ZNF330: variants seen among roughly 807,000 people sequenced by gnomAD.
ZNF330 encodes the protein zinc finger protein 330.
Under a neutral mutation model 45.5 loss-of-function variants are expected in ZNF330, and 31 were observed. The observed-to-expected ratio is 0.68, with a 90% CI of 0.51 to 0.92. The LOEUF is 0.92. Ranked by LOEUF, ZNF330 falls within the 40% of genes least tolerant of loss-of-function variation. The pLI, the probability that ZNF330 is intolerant of heterozygous loss-of-function variation, is 0.00. For synonymous variants in ZNF330, 138 were observed against 123.2 expected, an observed-to-expected ratio of 1.12 and a Z score of -0.79; for missense variants, 356 against 387.4, an observed-to-expected ratio of 0.92 and a Z score of 0.68.
chr4:141,226,493 CAATTTCT>C (rs1464262819), intron 4 of ZNF330, among the ~76,000 whole-genome samples: 1 of 152,066 alleles, frequency 6.6e-6, no homozygotes, highest in Non-Finnish European at 1.5e-5. Context: ...GCATAACCTG[CAATTTCT>C]GATTTAGTAC....
intron 1 of ZNF330, 149 bp from the exon 2 acceptor site, chr4:141,222,217 A>T: frequency 1.1e-6 from 1 of 872,930 alleles, no homozygotes; most frequent in Non-Finnish European, 1.7e-6. Flanking sequence ...TTAACGTTTC[A>T]TAAGGCTTAG....
At chr4:141,223,992 A>C (rs1244222447) in intron 2 of ZNF330, 5 of 305,906 alleles carry the variant, frequency 1.6e-5, no homozygotes, top group Non-Finnish European at 3.2e-5. Context: ...GAAAGTGATT[A>C]GGGGCCAGAT....
At position 141,233,833 on chromosome 4, in the gene ZNF330, TGAG is replaced by T. The variant is rs749911799; in HGVS notation, c.816_818del (p.Glu272del). ...AGTATGGTGATACCAGCTACCACGA[TGAG>T]GAGGAGGATGAGTATGAAGCAGAGG... is the stretch of plus-strand genomic sequence containing the variant. On this transcript the variant is annotated inframe_deletion, in exon 10 of 10. Transcript: ENST00000262990. The T allele has an allele frequency of 3.5e-5, 56 of 1,613,390 alleles. No homozygotes were observed. The Middle Eastern group carries it at 6.6e-4, about 19-fold the overall frequency.
intron 7 of ZNF330, among the ~76,000 whole-genome samples, chr4:141,230,605 C>G: frequency 6.6e-6 from 1 of 152,116 alleles, no homozygotes; most frequent in South Asian, 2.1e-4. Flanking sequence ...ACCCTTCCTT[C>G]CCATTTCCAA....
rs917728827 is a variant in ZNF330 at position 141,232,660 on chromosome 4, C to G, written c.688+18C>G. 1.0e-5 allele frequency: 14 copies of G among 1,357,814 alleles called. No individual in the cohort carries two copies. Among genetic ancestry groups the G allele is most frequent in the Non-Finnish European group, 1.4e-5 (14 of 1,011,622 alleles). The allele number at this position is 1,357,814 out of a possible 1,614,324, so 84.1% of individuals were successfully genotyped here. A position where few individuals can be genotyped will look rare whatever the true frequency, so the allele number is the denominator to read the frequency against. On this transcript the variant is annotated intron_variant, in intron 9 of 9. Coordinates refer to ENST00000262990, the MANE Select transcript of ZNF330 (RefSeq NM_014487.6). The stretch of plus-strand genomic sequence containing the variant: ...CATGTCAAGTAAGGCCCTTAAGATA[C>G]TAAGGAAGTGATTTTTGCTTTCATA...
intron 5 of ZNF330, among the ~76,000 whole-genome samples, chr4:141,227,461 C>T (rs1177233251): frequency 6.6e-6 from 1 of 152,120 alleles, no homozygotes; most frequent in Non-Finnish European, 1.5e-5. Context: ...CTACAAAGGA[C>T]ATGAACTCAT....
rs1728663332 is a variant in ZNF330 at position 141,221,094 on chromosome 4, C to G, written c.-21C>G. 6.6e-6 allele frequency: 1 copy of G among 152,268 alleles called. No individual in the cohort carries two copies. Among genetic ancestry groups the G allele is most frequent in the Non-Finnish European group, 1.5e-5 (1 of 68,066 alleles). 9.4% of individuals were successfully genotyped at this position (152,268 alleles called of 1,614,324 possible). A position where few individuals can be genotyped will look rare whatever the true frequency, so the allele number is the denominator to read the frequency against. ...CCGGCGAAAGTGAGCGAGGTTTGCC[C>G]GGAGCGCGCACGAGGTAGGGTGTCC... On this transcript the variant is annotated 5_prime_UTR_variant, in exon 1 of 10. Transcript: ENST00000262990.
At chr4:141,224,744 TG>T (rs1202014275) in intron 4 of ZNF330, 67 bp downstream of exon 4, 2 of 1,370,918 alleles carry the variant, frequency 1.5e-6, no homozygotes, top group Non-Finnish European at 2.1e-6. Context: ...TGAACTTGGG[TG>T]GGTTTGTTGC....
In ZNF330 at chr4:141,222,434, A is replaced by G. The variant is rs1728703257; in HGVS notation, c.63A>G (p.Gln21=). The change falls in exon 2 of 10, where the codon CAA becomes CAG. Residue 21 remains glutamine (Q), a synonymous_variant. Coordinates refer to ENST00000262990, the MANE Select transcript of ZNF330 (RefSeq NM_014487.6). ...KAENRREREK[Q]LRASRSTIDL... Reference sequence around the variant, plus strand: ...AGAACCGCCGAGAACGTGAAAAACAACTAAGAGCATCAAGAAGCACTATAG... The same window carrying G: ...AGAACCGCCGAGAACGTGAAAAACAGCTAAGAGCATCAAGAAGCACTATAG... The G allele has an allele frequency of 6.2e-7, 1 of 1,613,852 alleles. No individual in the cohort carries two copies. Among genetic ancestry groups the G allele is most frequent in the Admixed American group, 1.7e-5 (1 of 60,000 alleles).
In ZNF330 at chr4:141,234,107, A is replaced by G. The variant is rs1366583348; in HGVS notation, c.*118A>G. The G allele has an allele frequency of 6.8e-6, 10 of 1,467,528 alleles. No individual in the cohort carries two copies. In the African/African-American group the frequency reaches 9.9e-5, roughly 15 times the overall value. 90.9% of individuals were successfully genotyped at this position (1,467,528 alleles called of 1,614,324 possible). On this transcript the variant is annotated 3_prime_UTR_variant, in exon 10 of 10. Transcript: ENST00000262990. ...CTTAGCCTTGTGCAGAAGACTAGTTACACTTAATGGGCCAAGCAATAGGGT... is the reference window on the plus strand; with the variant it reads ...CTTAGCCTTGTGCAGAAGACTAGTTGCACTTAATGGGCCAAGCAATAGGGT...
Position 141,230,148 on chromosome 4 carries a change from G to T in ZNF330, c.419-18G>T. 1.3e-6 allele frequency: 2 copies of T among 1,527,744 alleles called. No homozygotes were observed. The highest frequency in any genetic ancestry group is 1.8e-6 in the Non-Finnish European group (2 of 1,111,730). 94.6% of individuals were successfully genotyped at this position (1,527,744 alleles called of 1,614,324 possible). ...TAAAGTTTATCTTAATTACATTTGT[G>T]TTTTTTTAATCCAATAGGAGGCAGA... is the stretch of plus-strand genomic sequence containing the variant. On this transcript the variant is annotated intron_variant, in intron 6 of 9. Transcript: ENST00000262990.
At chr4:141,231,566 T>C (rs1325191943) in intron 8 of ZNF330, 81 bp downstream of exon 8, 17 of 992,598 alleles carry the variant, frequency 1.7e-5, no homozygotes, top group Non-Finnish European at 1.9e-5. Flanking sequence ...TATATGCAGC[T>C]ATAATTAATT....
chr4:141,226,818 G>C lies in ZNF330; in HGVS notation c.263G>C (p.Gly88Ala). 6.2e-7 allele frequency: 1 copy of C among 1,613,028 alleles called. No homozygotes were observed. The change falls in exon 5 of 10, where the codon GGT becomes GCT. Residue 88 changes from glycine to alanine, a missense_variant. Transcript: ENST00000262990. The part of the protein sequence containing the change: ...KSSDCVIKHA[G>A]VYSTGLAMVG... ...TCAGACTGTGTCATAAAGCATGCTG[G>C]TGTATACAGTACTGGCCTTGCAATG...
At position 141,222,485 on chromosome 4, in the gene ZNF330, C is replaced by T. The variant is rs1466651803; in HGVS notation, c.114C>T (p.Ala38=). The change falls in exon 2 of 10, where the codon GCC becomes GCT. Residue 38 remains alanine (A), a synonymous_variant. Transcript: ENST00000262990. ...TIDLAKHPCN[A]SMECDKCQRR... Reference sequence around the variant, plus strand: ...ATTTAGCTAAACATCCATGTAATGCCTCAATGGTATCAGCTTTTTTTGATA... The same window carrying T: ...ATTTAGCTAAACATCCATGTAATGCTTCAATGGTATCAGCTTTTTTTGATA... 4 of 1,610,598 alleles carry T rather than the reference C, an allele frequency of 2.5e-6. No homozygotes were observed. The highest frequency in any genetic ancestry group is 1.7e-6 in the Non-Finnish European group (2 of 1,178,720).
chr4:141,230,786 C>T (rs1237458073), intron 7 of ZNF330, among the ~76,000 whole-genome samples: 1 of 152,112 alleles, frequency 6.6e-6, no homozygotes, highest in African/African-American at 2.4e-5. Flanking sequence ...TGCCAGGCAC[C>T]TGTATTTAAC....
chr4:141,227,956 A>G (rs1318059637), intron 5 of ZNF330, among the ~76,000 whole-genome samples: 2 of 152,114 alleles, frequency 1.3e-5, no homozygotes, highest in Non-Finnish European at 2.9e-5. Context: ...ATATGAGTTA[A>G]CCAGTTTTAC....
chr4:141,223,878 GT>G (rs1213088639), intron 2 of ZNF330: 2 of 446,176 alleles, frequency 4.5e-6, no homozygotes, highest in Non-Finnish European at 9.0e-6. Context: ...AGGGAAAAGT[GT>G]TCGAATAAGT....
intron 2 of ZNF330, chr4:141,222,698 T>G: frequency 2.5e-6 from 1 of 399,336 alleles, no homozygotes; most frequent in Non-Finnish European, 4.5e-6. Flanking sequence ...GCATATTACT[T>G]TACATACTGT....
At chr4:141,228,109 A>T (rs1235068688) in intron 5 of ZNF330, among the ~76,000 whole-genome samples, 1 of 152,064 alleles carries the variant, frequency 6.6e-6, no homozygotes, top group Non-Finnish European at 1.5e-5. Context: ...TATGAGGGAG[A>T]CCTATGATAT....
Sources: allele counts gnomAD v4.1 joint callset (sites outside exome capture counted in the v4.1 genomes callset), GRCh38; gene constraint gnomAD v4.1.1; transcripts MANE v1.5; gene names NCBI Gene and HGNC (gene_info 2026-07-23, HGNC 2026-07-21).